Variants in FAF1 observed in about 807,000 individuals in gnomAD.
The protein encoded by FAF1 is FAS-associated factor 1.
In FAF1, 25 loss-of-function variants were observed where a neutral mutation model predicts 92.5. The observed-to-expected ratio is 0.27, with a 90% CI of 0.20 to 0.38. FAF1 has a LOEUF of 0.38. FAF1 is among the 10% of genes least tolerant of loss of function. FAF1 has a pLI of 1.00. For missense variants in FAF1, 636 were observed against 793.3 expected (o/e 0.80, Z 2.38); for synonymous variants, 234 against 273.2 (o/e 0.86, Z 1.42).
chr1:50,598,462 TAAAAAA>T lies in FAF1; in HGVS notation c.745-2252_745-2247del, dbSNP rs890794436. ...GGGTGATAAAGCAAGAACCTGTCTT[TAAAAAA>T]AAAAAAAAAAAAAAAAAGGCTAAGT... is the stretch of plus-strand genomic sequence containing the variant. On this transcript the variant is annotated intron_variant, in intron 8 of 18. Transcript: ENST00000396153. Among the ~76,000 whole-genome samples the T allele has an allele frequency of 3.6e-5, 4 of 112,352 alleles. No individual in the cohort carries two copies. In the East Asian group the frequency reaches 1.0e-3, roughly 29 times the overall value. The allele number at this position is 112,352 out of a possible 152,430, so 73.7% of individuals were successfully genotyped here.
chr1:50,498,922 T>C (rs1394045974), intron 15 of FAF1, among the ~76,000 whole-genome samples: 1 of 151,576 alleles, frequency 6.6e-6, no homozygotes, highest in East Asian at 1.9e-4. Flanking sequence ...AAATGGCCAG[T>C]ACAGGCATGT....
rs549941699 is a variant in FAF1, at chr1:50,751,338, T to C, written c.368-6563A>G. ...CTATTCAGCATTTCTATTTGTTTGA[T>C]TGTTTGTTTGTTTTGAGATGGAGTC... On this transcript the variant is annotated intron_variant, in intron 4 of 18. Transcript: ENST00000396153. Among the ~76,000 whole-genome samples the C allele has an allele frequency of 2.2e-4, 34 of 152,102 alleles. 1 individual carries two copies. In the South Asian group the frequency reaches 6.9e-3, roughly 31 times the overall value.
In FAF1 at chr1:50,744,675, G is replaced by C; in HGVS notation, c.459+9C>G. The C allele has an allele frequency of 6.4e-7, 1 of 1,563,720 alleles. No homozygotes were observed. The highest frequency in any genetic ancestry group is 1.2e-5 in the South Asian group (1 of 86,628). ...TTTTCTTTTATTTCTATGCAATTAA[G>C]AAACTCACACTGTCTTCCACATCTC... On this transcript the variant is annotated intron_variant, in intron 5 of 18. Coordinates refer to ENST00000396153, the MANE Select transcript of FAF1 (RefSeq NM_007051.3).
intron 1 of FAF1, among the ~76,000 whole-genome samples, chr1:50,887,552 G>A (rs577287972): frequency 1.3e-5 from 2 of 152,260 alleles, no homozygotes; most frequent in South Asian, 2.1e-4. Flanking sequence ...ATTAATTTTT[G>A]TAGAAGGTGT....
rs1658951906 is a variant in FAF1 at position 50,732,114 on chromosome 1, GC to G, written c.551+6748del. Among the ~76,000 whole-genome samples the G allele has an allele frequency of 2.0e-5, 3 of 151,696 alleles. No individual in the cohort carries two copies. In the South Asian group the frequency reaches 6.3e-4, roughly 32 times the overall value. On this transcript the variant is annotated intron_variant, in intron 6 of 18. Coordinates refer to ENST00000396153, the MANE Select transcript of FAF1 (RefSeq NM_007051.3). ...TTTTGAGACAGAGTCTGGCTCTGTC[GC>G]CCAGGCTGGAGTGCAATAGCCCGAT... is the stretch of plus-strand genomic sequence containing the variant.
chr1:50,943,065 C>T (rs1645146416), intron 1 of FAF1, among the ~76,000 whole-genome samples: 1 of 152,104 alleles, frequency 6.6e-6, no homozygotes. Context: ...CAGAAACATA[C>T]GAGACATAGA....
intron 17 of FAF1, among the ~76,000 whole-genome samples, chr1:50,477,934 TAGA>T (rs1334475471): frequency 2.0e-5 from 3 of 152,248 alleles, no homozygotes; most frequent in African/African-American, 7.2e-5. Context: ...CAATAAATGC[TAGA>T]AGAATATGAA....
At chr1:50,788,817 A>T (rs1325213455) in intron 3 of FAF1, among the ~76,000 whole-genome samples, 1 of 152,116 alleles carries the variant, frequency 6.6e-6, no homozygotes, top group Non-Finnish European at 1.5e-5. Context: ...AATCTGTTCA[A>T]AATCTAAAAC....
chr1:50,848,270 C>T lies in FAF1; in HGVS notation c.114+9659G>A, dbSNP rs80019068. 9.9e-3 allele frequency among the ~76,000 whole-genome samples: 1,500 copies of T among 152,218 alleles called. 22 individuals are homozygous for T. Among genetic ancestry groups the T allele is most frequent in the African/African-American group, 0.034 (1,423 of 41,532 alleles). ...CAGTAGCAAAATATTATGTTCCTGGCATATGCAAAAGTAAATTGCATGACA... is the reference window on the plus strand; with the variant it reads ...CAGTAGCAAAATATTATGTTCCTGGTATATGCAAAAGTAAATTGCATGACA... On this transcript the variant is annotated intron_variant, in intron 2 of 18. Transcript: ENST00000396153.
chr1:50,561,687 G>A (rs537966248), intron 13 of FAF1, among the ~76,000 whole-genome samples: 526 of 152,196 alleles, frequency 3.5e-3, no homozygotes, highest in Non-Finnish European at 5.8e-3. Flanking sequence ...TTAGCCAGGC[G>A]TGGTGGCACA....
chr1:50,941,767 T>C (rs1165244958), intron 1 of FAF1, among the ~76,000 whole-genome samples: 2 of 152,220 alleles, frequency 1.3e-5, no homozygotes, highest in African/African-American at 2.4e-5. Flanking sequence ...TGTTCCCTCA[T>C]TGGAGGGAAA....
At chr1:50,662,690 T>A (rs1410099447) in intron 7 of FAF1, among the ~76,000 whole-genome samples, 1 of 116,702 alleles carries the variant, frequency 8.6e-6, no homozygotes, top group East Asian at 2.3e-4. Flanking sequence ...TATCTTTTTT[T>A]TTTTTTTTTT....
At chr1:50,661,168 A>G (rs1324962411) in intron 7 of FAF1, among the ~76,000 whole-genome samples, 1 of 152,160 alleles carries the variant, frequency 6.6e-6, no homozygotes, top group Non-Finnish European at 1.5e-5. Context: ...TACTTTTATT[A>G]TACTTTTTAA....
intron 6 of FAF1, among the ~76,000 whole-genome samples, chr1:50,719,078 A>G (rs1406563231): frequency 6.6e-6 from 1 of 152,248 alleles, no homozygotes; most frequent in Non-Finnish European, 1.5e-5. Flanking sequence ...GCACATATGT[A>G]AATGAGCTAG....
intron 1 of FAF1, among the ~76,000 whole-genome samples, chr1:50,958,482 CCTGA>C (rs1185985663): frequency 6.6e-6 from 1 of 152,042 alleles, no homozygotes; most frequent in African/African-American, 2.4e-5. Context: ...TCAAGACCAT[CCTGA>C]CTAACACGGC....
chr1:50,816,205 C>CTT (rs1167616418), intron 2 of FAF1, among the ~76,000 whole-genome samples: 112 of 106,676 alleles, frequency 1.0e-3, no homozygotes, highest in African/African-American at 2.8e-3. Flanking sequence ...TTTCCTTTTT[C>CTT]TTTTTTTTTT....
At chr1:50,503,083 C>T (rs1647012340) in intron 15 of FAF1, among the ~76,000 whole-genome samples, 1 of 152,128 alleles carries the variant, frequency 6.6e-6, no homozygotes, top group Admixed American at 6.5e-5. Context: ...AAGCAGTCCT[C>T]CTGCTTTAGC....
chr1:50,700,200 T>G (rs1035073915), intron 7 of FAF1, among the ~76,000 whole-genome samples: 2 of 150,406 alleles, frequency 1.3e-5, no homozygotes, highest in African/African-American at 5.0e-5. Flanking sequence ...TCTTTCTCAT[T>G]GCTACAGAGC....
rs1342431995 is a variant in FAF1, at chr1:50,583,970, A to G, written c.968-255T>C. 2.0e-5 allele frequency among the ~76,000 whole-genome samples: 3 copies of G among 152,128 alleles called. No homozygotes were observed. The highest frequency in any genetic ancestry group is 4.4e-5 in the Non-Finnish European group (3 of 67,950). On this transcript the variant is annotated intron_variant, in intron 10 of 18. Transcript: ENST00000396153. This position sits in a 1 kb window ranked among gnomAD's most constrained non-coding sequence, Gnocchi z 4.2. ...AAATTTTGAAAAACCAATGGACACA[A>G]TCCTGCTAAGCATTTAAAATATGTG...
Sources: gnomAD v4.1 joint callset for allele counts (sites outside exome capture counted in the v4.1 genomes callset) on GRCh38, gnomAD v4.1.1 for gene constraint, Gnocchi (gnomAD v3.1) non-coding constraint, MANE v1.5 for transcripts, NCBI Gene and HGNC (gene_info 2026-07-23, HGNC 2026-07-21) for gene names.